Variants in YIPF1 observed in about 807,000 individuals in gnomAD.
YIPF1 encodes the protein Yip1 domain family member 1.
In YIPF1, 22 loss-of-function variants were observed where a neutral mutation model predicts 37.0. The observed-to-expected ratio is 0.59, with a 90% CI of 0.42 to 0.85. YIPF1 has a LOEUF of 0.85. YIPF1 is among the 40% of genes least tolerant of loss of function. The pLI, the probability that YIPF1 is intolerant of heterozygous loss-of-function variation, is 0.00. For missense variants in YIPF1, 355 were observed against 373.1 expected (o/e 0.95, Z 0.40); for synonymous variants, 128 against 131.9 (o/e 0.97, Z 0.21).
chr1:53,882,788 AC>A (rs539802177), intron 4 of YIPF1, among the ~76,000 whole-genome samples: 105 of 91,632 alleles, frequency 1.1e-3, no homozygotes, highest in African/African-American at 5.0e-3. Flanking sequence ...CATAGCAAGG[AC>A]AGCATCAATA....
At chr1:53,874,297 G>A (rs1199557498) in intron 6 of YIPF1, among the ~76,000 whole-genome samples, 7 of 152,068 alleles carry the variant, frequency 4.6e-5, no homozygotes, top group Admixed American at 3.9e-4. Flanking sequence ...TGCCTTCTCC[G>A]TTTCCTGCCA....
At chr1:53,878,199 A>C (rs1650383981) in intron 6 of YIPF1, 116 bp downstream of exon 6, 2 of 997,406 alleles carry the variant, frequency 2.0e-6, no homozygotes, top group Non-Finnish European at 3.0e-6. Context: ...AGTTCAGAAA[A>C]GTCTAATAAT....
chr1:53,867,465 C>G (rs574705341), intron 7 of YIPF1, among the ~76,000 whole-genome samples: 1 of 151,294 alleles, frequency 6.6e-6, no homozygotes, highest in African/African-American at 2.4e-5. Context: ...CTCCGCCTCC[C>G]GGGTTCACGC....
intron 6 of YIPF1, 145 bp from the exon 7 acceptor site, chr1:53,871,633 AT>A (rs1011718852): frequency 1.1e-4 from 74 of 646,518 alleles, no homozygotes; most frequent in East Asian, 4.1e-4. Flanking sequence ...CTGAAGGGAA[AT>A]TTTTTTTTCA....
At chr1:53,865,397 A>C (rs548886769) in intron 9 of YIPF1, among the ~76,000 whole-genome samples, 17 of 152,340 alleles carry the variant, frequency 1.1e-4, no homozygotes, top group Middle Eastern at 3.4e-3. Context: ...TAAAAACACC[A>C]ATATGACAAT....
At chr1:53,888,786 A>C in intron 3 of YIPF1, 121 bp downstream of exon 3, 1 of 1,034,492 alleles carries the variant, frequency 9.7e-7, no homozygotes, top group Non-Finnish European at 1.4e-6. Context: ...TGTGGCCAAC[A>C]GCCACCAAGA....
At chr1:53,871,138 T>C (rs1650180575) in intron 7 of YIPF1, among the ~76,000 whole-genome samples, 1 of 152,088 alleles carries the variant, frequency 6.6e-6, no homozygotes, top group Non-Finnish European at 1.5e-5. Flanking sequence ...GAATTACACA[T>C]TTAAATGGTA....
intron 3 of YIPF1, chr1:53,886,762 T>G (rs1465634922): frequency 6.6e-6 from 1 of 151,890 alleles, no homozygotes; most frequent in Non-Finnish European, 1.5e-5. Context: ...CACAGGGGCT[T>G]TTGCGAGGGC....
intron 9 of YIPF1, among the ~76,000 whole-genome samples, chr1:53,863,092 G>A (rs369609259): frequency 2.0e-5 from 3 of 152,278 alleles, no homozygotes; most frequent in African/African-American, 7.2e-5. Flanking sequence ...TCCTCTCCAG[G>A]AAGAGGCCCT....
intron 7 of YIPF1, among the ~76,000 whole-genome samples, chr1:53,869,895 CAG>C (rs1650132463): frequency 2.2e-5 from 3 of 134,264 alleles, no homozygotes; most frequent in Non-Finnish European, 3.1e-5. Flanking sequence ...TTTTTTGAGA[CAG>C]AGTCTCTCTC....
In YIPF1 at chr1:53,866,373, T is replaced by A; in HGVS notation, c.658A>T (p.Ile220Phe). The A allele has an allele frequency of 6.2e-7, 1 of 1,613,864 alleles. No homozygotes were observed. The highest frequency in any genetic ancestry group is 1.7e-5 in the Admixed American group (1 of 59,994). The part of the protein sequence containing the change: ...FIYIPTAILW[I>F]IPQKAVRWIL... ...CAACGAACAGCTTTCTGGGGGATAATCCACAGTATCTGAAAGAAGAGAAAA... is the reference window on the plus strand; with the variant it reads ...CAACGAACAGCTTTCTGGGGGATAAACCACAGTATCTGAAAGAAGAGAAAA... The change falls in exon 9 of 11, where the codon ATT (isoleucine) becomes TTT (phenylalanine). Residue 220 changes from isoleucine to phenylalanine, a missense_variant. Transcript: ENST00000072644.
At chr1:53,867,959 G>A (rs1311481583) in intron 7 of YIPF1, among the ~76,000 whole-genome samples, 1 of 152,128 alleles carries the variant, frequency 6.6e-6, no homozygotes, top group Non-Finnish European at 1.5e-5. Flanking sequence ...TGGAGTGGAG[G>A]TCATAAAGTT....
At chr1:53,865,920 C>T (rs1214518802) in intron 9 of YIPF1, among the ~76,000 whole-genome samples, 1 of 152,060 alleles carries the variant, frequency 6.6e-6, no homozygotes, top group South Asian at 2.1e-4. Flanking sequence ...GTACCAGCTA[C>T]TTGCGATGCT....
At position 53,863,079 on chromosome 1, in the gene YIPF1, C is replaced by G. The variant is rs564512275; in HGVS notation, c.832-2926G>C. Among the ~76,000 whole-genome samples the G allele has an allele frequency of 1.2e-4, 18 of 152,308 alleles. No individual in the cohort carries two copies. In the South Asian group the frequency reaches 2.3e-3, roughly 19 times the overall value. On this transcript the variant is annotated intron_variant, in intron 9 of 10. Transcript: ENST00000072644. ...CTTCCTCCAGAAAGAGAAAACTGAG[C>G]CTTCCTCTCCAGGAAGAGGCCCTGC...
intron 6 of YIPF1, among the ~76,000 whole-genome samples, chr1:53,872,331 A>G (rs1650214939): frequency 6.6e-6 from 1 of 152,198 alleles, no homozygotes; most frequent in Non-Finnish European, 1.5e-5. Context: ...TATTTTATAC[A>G]GATGATAACA....
rs116156988 is a variant in YIPF1, at chr1:53,857,573, C to G, written c.*8+2483G>C. On this transcript the variant is annotated intron_variant, in intron 10 of 10. Transcript: ENST00000072644. ...TTAGATATGAGTCCCAGCTCTGCCT[C>G]TAAGAGGTAGGTGATCTTAGTCAGC... Among the ~76,000 whole-genome samples the G allele has an allele frequency of 1.7e-3, 256 of 152,316 alleles. 1 individual carries two copies. Among genetic ancestry groups the G allele is most frequent in the African/African-American group, 5.7e-3 (236 of 41,588 alleles).
At chr1:53,882,928 C>G in intron 4 of YIPF1, 185 bp downstream of exon 4, 1 of 547,838 alleles carries the variant, frequency 1.8e-6, no homozygotes. Context: ...TGTTCCCCTC[C>G]ACAAGTGTAC....
intron 10 of YIPF1, among the ~76,000 whole-genome samples, chr1:53,854,062 C>T (rs188448257): frequency 6.6e-6 from 1 of 152,132 alleles, no homozygotes; most frequent in African/African-American, 2.4e-5. Flanking sequence ...CCAGCCTGGC[C>T]AACATGGCAA....
chr1:53,862,624 C>T (rs898063707), intron 9 of YIPF1, among the ~76,000 whole-genome samples: 10 of 152,156 alleles, frequency 6.6e-5, no homozygotes, highest in African/African-American at 2.4e-4. Flanking sequence ...TGCACTAAGG[C>T]AAAAACACCA....
Sources: gnomAD v4.1 joint callset for allele counts (sites outside exome capture counted in the v4.1 genomes callset) on GRCh38, gnomAD v4.1.1 for gene constraint, MANE v1.5 for transcripts, NCBI Gene and HGNC (gene_info 2026-07-23, HGNC 2026-07-21) for gene names.